The following RIN2 variants were observed in gnomAD, a reference collection of about 807,000 sequenced individuals.
RIN2 encodes the protein RAB5 interacting protein 2.
Under a neutral mutation model 78.0 loss-of-function variants are expected in RIN2, and 36 were observed. That is an observed-to-expected ratio of 0.46 (90% CI 0.35 to 0.61). The LOEUF (loss-of-function observed/expected upper bound fraction) is 0.61, where lower values mean the gene tolerates loss of function less well. Among genes scored for constraint, RIN2 ranks in the 20% least tolerant of loss-of-function variants. The probability of loss-of-function intolerance (pLI) is 0.00; values close to 1 mark genes in which losing one functional copy is unlikely to be tolerated. For synonymous variants in RIN2, 466 were observed against 466.8 expected (o/e 1.00, Z 0.02); for missense variants, 1,087 against 1,159.7 (o/e 0.94, Z 0.91).
At chr20:19,769,973 A>T (rs527242413) in intron 1 of RIN2, among the ~76,000 whole-genome samples, 2 of 152,376 alleles carry the variant, frequency 1.3e-5, no homozygotes, top group South Asian at 2.1e-4. Flanking sequence ...TGAACAGCAG[A>T]AAAGGAAAAG....
chr20:19,929,393 G>A (rs755516256), intron 3 of RIN2, among the ~76,000 whole-genome samples: 12 of 152,032 alleles, frequency 7.9e-5, no homozygotes, highest in African/African-American at 1.9e-4. Flanking sequence ...ACAGAGTCTC[G>A]CTCTGTCACC....
rs74542528 is a variant in RIN2 at position 19,993,095 on chromosome 20, T to G, written c.2200+796T>G. Reference sequence around the variant, plus strand: ...GCTTAGGTATTTTACATGGAAATGATTAGGATGTTTGGCACAGTAGTGCAC... The same window carrying G: ...GCTTAGGTATTTTACATGGAAATGAGTAGGATGTTTGGCACAGTAGTGCAC... On this transcript the variant is annotated intron_variant, in intron 11 of 12. Transcript: ENST00000255006. 4.4e-3 allele frequency among the ~76,000 whole-genome samples: 666 copies of G among 152,324 alleles called. 4 individuals carry two copies. Among genetic ancestry groups the G allele is most frequent in the Non-Finnish European group, 6.7e-3 (457 of 68,028 alleles).
At chr20:19,815,340 AG>A (rs1308431297) in intron 2 of RIN2, among the ~76,000 whole-genome samples, 1 of 152,250 alleles carries the variant, frequency 6.6e-6, no homozygotes, top group Non-Finnish European at 1.5e-5. Context: ...AAAGTTCGAT[AG>A]TAGTCAATAA....
At chr20:19,981,633 T>C (rs1027571620) in intron 9 of RIN2, among the ~76,000 whole-genome samples, 66 of 152,228 alleles carry the variant, frequency 4.3e-4, no homozygotes, top group African/African-American at 1.6e-3. Flanking sequence ...ATCACACAGA[T>C]GTAGCCCATA....
chr20:19,943,585 A>G (rs1304091127), intron 4 of RIN2, among the ~76,000 whole-genome samples: 1 of 152,198 alleles, frequency 6.6e-6, no homozygotes, highest in African/African-American at 2.4e-5. Flanking sequence ...ATGGGACAAA[A>G]AAAGGCCTTG....
At chr20:19,983,003 C>T (rs2042509471) in intron 9 of RIN2, among the ~76,000 whole-genome samples, 1 of 152,220 alleles carries the variant, frequency 6.6e-6, no homozygotes, top group Non-Finnish European at 1.5e-5. Context: ...CCAGTCAGTG[C>T]TTCCTGGGAT....
At chr20:19,795,076 T>G (rs756133763) in intron 1 of RIN2, among the ~76,000 whole-genome samples, 1 of 152,194 alleles carries the variant, frequency 6.6e-6, no homozygotes, top group African/African-American at 2.4e-5. Flanking sequence ...ACAGGCACTT[T>G]GCTGAGGAAA....
chr20:19,822,665 CA>C (rs1805092712), intron 2 of RIN2, among the ~76,000 whole-genome samples: 1 of 150,610 alleles, frequency 6.6e-6, no homozygotes, highest in African/African-American at 2.5e-5. Flanking sequence ...CACACACACA[CA>C]CCCACACACA....
At chr20:19,948,128 A>G (rs1056379382) in intron 4 of RIN2, among the ~76,000 whole-genome samples, 1 of 152,194 alleles carries the variant, frequency 6.6e-6, no homozygotes, top group Non-Finnish European at 1.5e-5. Flanking sequence ...TAGACCACAG[A>G]TGGTTCCAGC....
intron 7 of RIN2, among the ~76,000 whole-genome samples, chr20:19,969,233 T>C (rs574849572): frequency 3.3e-5 from 5 of 152,342 alleles, no homozygotes; most frequent in Non-Finnish European, 7.4e-5. Flanking sequence ...ATAGGTTGTT[T>C]GGTATCATTA....
At chr20:19,929,676 C>G (rs1246956962) in intron 3 of RIN2, among the ~76,000 whole-genome samples, 1 of 152,134 alleles carries the variant, frequency 6.6e-6, no homozygotes, top group Non-Finnish European at 1.5e-5. Flanking sequence ...GCACCAACTG[C>G]TATTGGCTTT....
At chr20:19,979,278 C>G (rs1289241950) in intron 9 of RIN2, among the ~76,000 whole-genome samples, 13 of 152,192 alleles carry the variant, frequency 8.5e-5, no homozygotes, top group Admixed American at 8.5e-4. Flanking sequence ...CACAGACTAT[C>G]AGCAGTGATA....
intron 2 of RIN2, among the ~76,000 whole-genome samples, chr20:19,843,643 T>C (rs1388204211): frequency 5.9e-5 from 9 of 152,222 alleles, no homozygotes; most frequent in Non-Finnish European, 1.0e-4. Flanking sequence ...ACTCCCTTTA[T>C]TGCAATATTC....
intron 8 of RIN2, 117 bp downstream of exon 8, chr20:19,971,046 G>A (rs769064556): frequency 3.2e-5 from 24 of 741,124 alleles, no homozygotes; most frequent in Non-Finnish European, 4.5e-5. Context: ...CCATCAGTGA[G>A]TTTGGGCTAT....
At chr20:19,974,550 C>A in intron 8 of RIN2, 104 bp from the exon 9 acceptor site, 1 of 1,182,364 alleles carries the variant, frequency 8.5e-7, no homozygotes, top group South Asian at 1.5e-5. Context: ...CTACCCCACC[C>A]CGCAAGACTC....
chr20:19,971,885 G>A (rs1345375631), intron 8 of RIN2, among the ~76,000 whole-genome samples: 1 of 151,966 alleles, frequency 6.6e-6, no homozygotes, highest in Admixed American at 6.6e-5. Context: ...GGGGTCACAG[G>A]CACTTGCCAC....
intron 2 of RIN2, among the ~76,000 whole-genome samples, chr20:19,818,738 A>G (rs1158610098): frequency 7.2e-6 from 1 of 139,252 alleles, no homozygotes; most frequent in South Asian, 2.5e-4. Context: ...TATCAAAAAA[A>G]AAAAAGAAAG....
At chr20:19,973,369 G>A (rs974329439) in intron 8 of RIN2, among the ~76,000 whole-genome samples, 7 of 152,152 alleles carry the variant, frequency 4.6e-5, no homozygotes, top group South Asian at 4.1e-4. Context: ...CAGGTGACAC[G>A]GCTGTCACCA....
chr20:19,941,783 C>T (rs1444246821), intron 4 of RIN2, among the ~76,000 whole-genome samples: 3 of 152,126 alleles, frequency 2.0e-5, no homozygotes, highest in Non-Finnish European at 1.5e-5. Flanking sequence ...CTCTTCGCTA[C>T]ACTATCACCA....
Sources: allele counts gnomAD v4.1 joint callset (sites outside exome capture counted in the v4.1 genomes callset), GRCh38; gene constraint gnomAD v4.1.1; transcripts MANE v1.5; gene names NCBI Gene and HGNC (gene_info 2026-07-23, HGNC 2026-07-21).